GRM7: variants seen among roughly 807,000 people sequenced by gnomAD.
GRM7 encodes glutamate metabotropic receptor 7, also known as metabotropic glutamate receptor 7.
A neutral mutation model predicts 84.5 loss-of-function variants in GRM7; 35 were observed. The ratio of observed to expected loss-of-function variants is 0.41; its 90% confidence interval spans 0.32 to 0.55. The LOEUF (loss-of-function observed/expected upper bound fraction) is 0.55. Among genes scored for constraint, GRM7 ranks in the 20% least tolerant of loss-of-function variants. The pLI is 0.19. For missense variants in GRM7, 1,003 were observed against 1,194.6 expected, an observed-to-expected ratio of 0.84 and a Z score of 2.36; for synonymous variants, 487 against 455.1, an observed-to-expected ratio of 1.07 and a Z score of -0.89.
At chr3:7,416,629 C>A (rs374478638) in intron 5 of GRM7, among the ~76,000 whole-genome samples, 2 of 151,902 alleles carry the variant, frequency 1.3e-5, no homozygotes, top group Non-Finnish European at 2.9e-5. Context: ...ACATGAATAA[C>A]AATAATGATA....
At chr3:7,477,933 T>C (rs191000012) in intron 7 of GRM7, among the ~76,000 whole-genome samples, 65 of 152,272 alleles carry the variant, frequency 4.3e-4, no homozygotes, top group African/African-American at 1.5e-3. Flanking sequence ...TAAGTGACAC[T>C]GTCTTTGTCC....
At chr3:7,222,017 C>T (rs575059635) in intron 2 of GRM7, among the ~76,000 whole-genome samples, 77 of 151,890 alleles carry the variant, frequency 5.1e-4, no homozygotes, top group Middle Eastern at 3.4e-3. Context: ...CCATGTTGAC[C>T]GGGCTGGTTT....
At chr3:7,103,769 T>C (rs1001102854) in intron 1 of GRM7, among the ~76,000 whole-genome samples, 2 of 63,222 alleles carry the variant, frequency 3.2e-5, no homozygotes, top group African/African-American at 4.3e-4. Flanking sequence ...TTTCTTTCTT[T>C]CTTTCTTTCT....
At chr3:7,129,349 A>G (rs9877149) in intron 1 of GRM7, among the ~76,000 whole-genome samples, 10,263 of 152,236 alleles carry the variant, frequency 0.067, 945 homozygotes, top group African/African-American at 0.2. Context: ...GCTGCACATG[A>G]TCAACACTTA....
At chr3:7,665,894 T>C (rs150648655) in intron 8 of GRM7, among the ~76,000 whole-genome samples, 15 of 152,338 alleles carry the variant, frequency 9.8e-5, no homozygotes, top group African/African-American at 3.6e-4. Flanking sequence ...TCCGTTTTAC[T>C]CATTAGGACT....
chr3:7,000,892 G>A (rs572168603), intron 1 of GRM7, among the ~76,000 whole-genome samples: 2 of 152,314 alleles, frequency 1.3e-5, no homozygotes, highest in South Asian at 2.1e-4. Context: ...GGACAGAGAT[G>A]TGAATGAACT....
intron 8 of GRM7, among the ~76,000 whole-genome samples, chr3:7,654,422 C>T (rs1699090971): frequency 6.6e-6 from 1 of 151,976 alleles, no homozygotes. Flanking sequence ...CACCATTCTA[C>T]CTTACTTTGT....
chr3:7,600,733 A>C (rs1017753711), intron 8 of GRM7, among the ~76,000 whole-genome samples: 1 of 152,170 alleles, frequency 6.6e-6, no homozygotes, highest in African/African-American at 2.4e-5. Context: ...AGTTTATTAT[A>C]ATTGAGTGTA....
intron 8 of GRM7, chr3:7,636,403 G>A (rs7612048): frequency 0.7 from 292,825 of 416,278 alleles, 104,075 homozygotes; most frequent in South Asian, 0.82. Flanking sequence ...CACTGTCATT[G>A]TTTGAAAAAT....
intron 2 of GRM7, among the ~76,000 whole-genome samples, chr3:7,159,064 T>G (rs1694542493): frequency 6.6e-6 from 1 of 152,180 alleles, no homozygotes; most frequent in Non-Finnish European, 1.5e-5. Flanking sequence ...TGCCCATATA[T>G]TAAAGGGTTT....
intron 1 of GRM7, among the ~76,000 whole-genome samples, chr3:6,918,681 T>G (rs1337099181): frequency 2.6e-5 from 4 of 152,192 alleles, no homozygotes; most frequent in Non-Finnish European, 4.4e-5. Flanking sequence ...GAAACACTTT[T>G]CAGTGGATAG....
rs370158274 is a variant in GRM7 at position 7,720,309 on chromosome 3, C to CT, written c.2699-20038dup. ...AATGTAAAAGTTAGGCAATCTTCAA[C>CT]TTTTTTTTTTCCTCCAGCCATAACC... On this transcript the variant is annotated intron_variant, in intron 9 of 9. Coordinates refer to ENST00000357716, the MANE Select transcript of GRM7 (RefSeq NM_000844.4). Among the ~76,000 whole-genome samples the CT allele has an allele frequency of 7.4e-3, 1,117 of 150,096 alleles. 12 individuals are homozygous for CT. Among genetic ancestry groups the CT allele is most frequent in the African/African-American group, 0.026 (1,067 of 41,052 alleles).
chr3:7,575,068 T>C (rs1694894403), intron 7 of GRM7, among the ~76,000 whole-genome samples: 1 of 152,006 alleles, frequency 6.6e-6, no homozygotes, highest in Non-Finnish European at 1.5e-5. Context: ...AACTGCATAA[T>C]TTGCTCTTTC....
intron 8 of GRM7, among the ~76,000 whole-genome samples, chr3:7,639,602 T>C (rs928699985): frequency 2.6e-5 from 4 of 152,180 alleles, no homozygotes; most frequent in African/African-American, 9.7e-5. Context: ...CAACTTTCCC[T>C]AAAATTTCTC....
intron 1 of GRM7, among the ~76,000 whole-genome samples, chr3:6,969,493 C>G (rs753681602): frequency 6.6e-6 from 1 of 152,184 alleles, no homozygotes; most frequent in Non-Finnish European, 1.5e-5. Flanking sequence ...TCTACTGATG[C>G]TCAGTTCACT....
chr3:7,322,376 G>GT (rs1252761793), intron 4 of GRM7, among the ~76,000 whole-genome samples: 2 of 151,578 alleles, frequency 1.3e-5, no homozygotes, highest in Non-Finnish European at 1.5e-5. Flanking sequence ...CCACCTTTTT[G>GT]TTTTTTTAAA....
At chr3:7,707,930 ATTTT>A (rs34344224) in intron 9 of GRM7, among the ~76,000 whole-genome samples, 13 of 123,678 alleles carry the variant, frequency 1.1e-4, no homozygotes, top group Non-Finnish European at 1.2e-4. Flanking sequence ...GAAGCTTTCA[ATTTT>A]TTTTTTTTTT....
At chr3:7,047,117 A>G (rs764164545) in intron 1 of GRM7, among the ~76,000 whole-genome samples, 10 of 151,988 alleles carry the variant, frequency 6.6e-5, no homozygotes, top group Admixed American at 1.3e-4. Context: ...TATGAGTCAA[A>G]TCTGCCCCAC....
intron 7 of GRM7, among the ~76,000 whole-genome samples, chr3:7,532,300 CT>C (rs1701068710): frequency 6.6e-6 from 1 of 152,144 alleles, no homozygotes; most frequent in African/African-American, 2.4e-5. Flanking sequence ...AATTTCAGAA[CT>C]TGTTATTGGT....
Sources: gnomAD v4.1 joint callset for allele counts (sites outside exome capture counted in the v4.1 genomes callset) on GRCh38, gnomAD v4.1.1 for gene constraint, MANE v1.5 for transcripts, NCBI Gene and HGNC (gene_info 2026-07-23, HGNC 2026-07-21) for gene names.